The following OLAH variants were observed in gnomAD, a reference collection of about 807,000 sequenced individuals.
OLAH encodes the protein oleoyl-ACP hydrolase, also known as S-acyl fatty acid synthase thioesterase, medium chain.
A neutral mutation model predicts 27.8 loss-of-function variants in OLAH; 33 were observed. That is an observed-to-expected ratio of 1.19 (90% CI 0.90 to 1.59). The LOEUF is 1.59. Ranked by LOEUF, OLAH falls within the 40% of genes most tolerant of loss-of-function variation. The probability of loss-of-function intolerance (pLI) is 0.00; values close to 1 mark genes in which losing one functional copy is unlikely to be tolerated. For synonymous variants in OLAH, 120 were observed against 102.9 expected (o/e 1.17, Z -1.01); for missense variants, 359 against 310.8 (o/e 1.16, Z -1.17).
chr10:15,051,960 G>A (rs1844151881), intron 3 of OLAH, among the ~76,000 whole-genome samples: 1 of 152,148 alleles, frequency 6.6e-6, no homozygotes, highest in Non-Finnish European at 1.5e-5. Flanking sequence ...GAGCATGGCT[G>A]TGTCCCAGTA....
intron 1 of OLAH, among the ~76,000 whole-genome samples, chr10:15,035,657 G>A (rs60430910): frequency 6.6e-6 from 1 of 152,098 alleles, no homozygotes; most frequent in African/African-American, 2.4e-5. Context: ...ACTATATCAA[G>A]CGCCATCTCC....
chr10:15,056,464 G>C (rs576124531), intron 3 of OLAH, among the ~76,000 whole-genome samples: 1 of 151,978 alleles, frequency 6.6e-6, no homozygotes, highest in Non-Finnish European at 1.5e-5. Flanking sequence ...TGACAATACC[G>C]TTGTAATTTT....
chr10:15,057,530 C>T (rs1564530925), intron 3 of OLAH, among the ~76,000 whole-genome samples: 1 of 151,708 alleles, frequency 6.6e-6, no homozygotes, highest in African/African-American at 2.4e-5. Context: ...TGATAACAGG[C>T]ATGAGCCACT....
chr10:15,035,953 C>T (rs1697382958), intron 1 of OLAH, among the ~76,000 whole-genome samples: 1 of 152,112 alleles, frequency 6.6e-6, no homozygotes, highest in Non-Finnish European at 1.5e-5. Context: ...GAAACCCAGG[C>T]CCAGAATGGT....
upstream of OLAH, among the ~76,000 whole-genome samples, chr10:15,041,283 T>A (rs1289437586): frequency 1.5e-5 from 2 of 135,636 alleles, no homozygotes; most frequent in Non-Finnish European, 3.3e-5. Flanking sequence ...TATTTTTATT[T>A]TTATTTTTTT....
At chr10:15,054,317 A>T (rs1844204673) in intron 3 of OLAH, among the ~76,000 whole-genome samples, 1 of 152,190 alleles carries the variant, frequency 6.6e-6, no homozygotes, top group African/African-American at 2.4e-5. Context: ...CTGGGATTAC[A>T]GGCATGAGCC....
At chr10:15,032,887 T>A (rs1564522789) in intron 1 of OLAH, among the ~76,000 whole-genome samples, 1 of 13,362 alleles carries the variant, frequency 7.5e-5, no homozygotes, top group African/African-American at 6.5e-4. Flanking sequence ...TTTGTTTTCT[T>A]TTTTTTAGAC....
intron 3 of OLAH, among the ~76,000 whole-genome samples, chr10:15,060,919 G>A (rs1406199555): frequency 6.6e-6 from 1 of 152,172 alleles, no homozygotes; most frequent in Admixed American, 6.5e-5. Context: ...AAGCCAATAA[G>A]TTATTTGGGA....
chr10:15,039,634 C>T (rs569331380), upstream of OLAH, among the ~76,000 whole-genome samples: 1 of 152,134 alleles, frequency 6.6e-6, no homozygotes, highest in African/African-American at 2.4e-5. Flanking sequence ...AACTAGCACC[C>T]TTTCTCCATG....
At chr10:15,060,403 C>T (rs1342090250) in intron 3 of OLAH, among the ~76,000 whole-genome samples, 8 of 152,126 alleles carry the variant, frequency 5.3e-5, no homozygotes, top group Admixed American at 5.2e-4. Flanking sequence ...CTCCTGACTT[C>T]AAGTGATCGG....
At chr10:15,065,518 T>G (rs753445507) in intron 5 of OLAH, 66 bp from the exon 6 acceptor site, 7 of 1,503,154 alleles carry the variant, frequency 4.7e-6, no homozygotes, top group Non-Finnish European at 6.3e-6. Flanking sequence ...AGATCAACAG[T>G]TTTCAGTTTA....
chr10:15,063,497 T>G (rs1164263213), intron 4 of OLAH, among the ~76,000 whole-genome samples: 1 of 152,230 alleles, frequency 6.6e-6, no homozygotes, highest in African/African-American at 2.4e-5. Context: ...ATGAACATGG[T>G]GCTGAGTTTC....
upstream of OLAH, among the ~76,000 whole-genome samples, chr10:15,041,279 T>A (rs202185224): frequency 6.9e-5 from 5 of 71,972 alleles, no homozygotes; most frequent in African/African-American, 2.5e-4. Flanking sequence ...TTTTTATTTT[T>A]ATTTTTATTT....
intron 3 of OLAH, among the ~76,000 whole-genome samples, chr10:15,060,564 T>C (rs1844343141): frequency 6.6e-6 from 1 of 152,032 alleles, no homozygotes; most frequent in Non-Finnish European, 1.5e-5. Context: ...CCATCTGGTG[T>C]TTTTAAAAAT....
intron 3 of OLAH, among the ~76,000 whole-genome samples, chr10:15,052,929 C>T (rs542824720): frequency 1.6e-4 from 25 of 151,674 alleles, no homozygotes; most frequent in African/African-American, 3.4e-4. Flanking sequence ...TTAGTAGAGA[C>T]GGGGGTTCAC....
intron 5 of OLAH, 56 bp from the exon 6 acceptor site, chr10:15,065,528 A>C (rs954229173): frequency 1.5e-5 from 23 of 1,531,598 alleles, no homozygotes; most frequent in Non-Finnish European, 2.0e-5. Context: ...TTTTCAGTTT[A>C]TGAGCCAAGT....
chr10:15,039,759 C>T (rs1843893484), upstream of OLAH, among the ~76,000 whole-genome samples: 3 of 152,302 alleles, frequency 2.0e-5, no homozygotes, highest in South Asian at 6.2e-4. Flanking sequence ...TGGCCAACAG[C>T]AAGACTGTGC....
At chr10:15,061,983 G>A in intron 4 of OLAH, 121 bp downstream of exon 4, 7 of 862,378 alleles carry the variant, frequency 8.1e-6, no homozygotes, top group Non-Finnish European at 1.2e-5. Context: ...AGCATGTTAG[G>A]TAATTATGGC....
At chr10:15,032,196 G>A (rs1190626116), upstream of OLAH, 1 of 152,098 alleles carries the variant, frequency 6.6e-6, no homozygotes. Flanking sequence ...GAAAAGGCTG[G>A]ACTAGCCTAG....
Sources: gnomAD v4.1 joint callset for allele counts (sites outside exome capture counted in the v4.1 genomes callset) on GRCh38, gnomAD v4.1.1 for gene constraint, MANE v1.5 for transcripts, NCBI Gene and HGNC (gene_info 2026-07-23, HGNC 2026-07-21) for gene names.